ARHGAP26: variants seen among roughly 807,000 people sequenced by gnomAD.
ARHGAP26 encodes rho GTPase-activating protein 26.
ARHGAP26 carries 38 observed loss-of-function variants against 104.8 expected under a neutral mutation model. That is an observed-to-expected ratio of 0.36 (90% CI 0.28 to 0.48). ARHGAP26 has a LOEUF of 0.48. ARHGAP26 is among the 20% of genes least tolerant of loss of function. The probability of loss-of-function intolerance (pLI) is 0.99; values close to 1 mark genes in which losing one functional copy is unlikely to be tolerated. For synonymous variants in ARHGAP26, 341 were observed against 340.0 expected, an observed-to-expected ratio of 1.00 and a Z score of -0.03; for missense variants, 704 against 947.9, an observed-to-expected ratio of 0.74 and a Z score of 3.38.
chr5:142,771,524 C>T, intron 1 of ARHGAP26: 1 of 835,374 alleles, frequency 1.2e-6, no homozygotes, highest in Non-Finnish European at 1.6e-6. Flanking sequence ...TGCGCAGGTT[C>T]TGATTCTTGT....
intron 9 of ARHGAP26, among the ~76,000 whole-genome samples, chr5:142,911,779 T>G (rs954634132): frequency 2.0e-5 from 3 of 152,222 alleles, no homozygotes; most frequent in Admixed American, 2.0e-4. Context: ...TAAATCAGAT[T>G]TATAGTTAGA....
chr5:142,827,977 C>T (rs979224811), intron 1 of ARHGAP26, among the ~76,000 whole-genome samples: 1 of 152,126 alleles, frequency 6.6e-6, no homozygotes, highest in African/African-American at 2.4e-5. Flanking sequence ...GGTCTTTGTT[C>T]CCTTGGCTTT....
At chr5:143,064,602 G>A (rs1186852274) in intron 17 of ARHGAP26, among the ~76,000 whole-genome samples, 1 of 152,054 alleles carries the variant, frequency 6.6e-6, no homozygotes, top group South Asian at 2.1e-4. Context: ...TATTTAAAGG[G>A]ACATTGCACA....
intron 1 of ARHGAP26, among the ~76,000 whole-genome samples, chr5:142,783,835 G>A (rs1490718240): frequency 6.6e-6 from 1 of 152,242 alleles, no homozygotes; most frequent in African/African-American, 2.4e-5. Context: ...AAATCTGTGG[G>A]TTGCTCTTCC....
chr5:142,922,555 T>C (rs576879190), intron 10 of ARHGAP26, among the ~76,000 whole-genome samples: 1 of 152,312 alleles, frequency 6.6e-6, no homozygotes, highest in African/African-American at 2.4e-5. Context: ...TCATCACAAA[T>C]CATTCATACC....
chr5:142,892,534 A>G (rs994493408), intron 5 of ARHGAP26, among the ~76,000 whole-genome samples: 1 of 151,982 alleles, frequency 6.6e-6, no homozygotes, highest in Non-Finnish European at 1.5e-5. Context: ...AAGGTAATGT[A>G]TGTACAGCTA....
intron 20 of ARHGAP26, among the ~76,000 whole-genome samples, chr5:143,167,259 G>A (rs982541015): frequency 8.6e-5 from 12 of 139,496 alleles, no homozygotes; most frequent in African/African-American, 3.0e-4. Flanking sequence ...TTGAGGTCAA[G>A]AGTTTGAGAC....
chr5:143,018,752 A>T (rs1021074430), intron 12 of ARHGAP26, among the ~76,000 whole-genome samples: 1 of 152,170 alleles, frequency 6.6e-6, no homozygotes, highest in Admixed American at 6.5e-5. Context: ...GCAACTCTTA[A>T]TATCTAGTTA....
At chr5:143,065,147 A>T (rs1276571768) in intron 17 of ARHGAP26, among the ~76,000 whole-genome samples, 1 of 152,148 alleles carries the variant, frequency 6.6e-6, no homozygotes, top group African/African-American at 2.4e-5. Context: ...AAAGTGAGAG[A>T]GTATCAGCAA....
chr5:143,057,329 C>T (rs1039793196), intron 16 of ARHGAP26, among the ~76,000 whole-genome samples: 5 of 152,146 alleles, frequency 3.3e-5, no homozygotes, highest in African/African-American at 1.2e-4. Flanking sequence ...CTCTAGGGAG[C>T]CAGCTACTCC....
intron 11 of ARHGAP26, among the ~76,000 whole-genome samples, chr5:142,935,070 C>T (rs534589262): frequency 5.3e-5 from 8 of 152,152 alleles, no homozygotes; most frequent in Non-Finnish European, 8.8e-5. Flanking sequence ...ATTTTATCTA[C>T]GTAGTAAATT....
intron 11 of ARHGAP26, among the ~76,000 whole-genome samples, chr5:142,991,267 G>A (rs1048769060): frequency 2.6e-5 from 4 of 152,224 alleles, no homozygotes; most frequent in African/African-American, 7.2e-5. Context: ...TGAGCCATGT[G>A]CAGGATATAA....
chr5:143,105,768 C>T (rs778561107), intron 17 of ARHGAP26, among the ~76,000 whole-genome samples: 3 of 152,160 alleles, frequency 2.0e-5, no homozygotes, highest in Admixed American at 1.3e-4. Context: ...CTCTTCAGTG[C>T]GTCAGAAGTC....
chr5:142,851,292 T>G (rs1037437170), intron 1 of ARHGAP26, among the ~76,000 whole-genome samples: 8 of 152,170 alleles, frequency 5.3e-5, no homozygotes, highest in African/African-American at 1.9e-4. Flanking sequence ...AGACGGGGTT[T>G]TTCCATGTTG....
intron 6 of ARHGAP26, among the ~76,000 whole-genome samples, chr5:142,900,378 A>G (rs987970455): frequency 1.3e-5 from 2 of 152,192 alleles, no homozygotes; most frequent in African/African-American, 2.4e-5. Context: ...TTTTATAGCC[A>G]GAGGACCCAG....
At chr5:143,046,450 G>T (rs997757255) in intron 14 of ARHGAP26, among the ~76,000 whole-genome samples, 9 of 152,210 alleles carry the variant, frequency 5.9e-5, no homozygotes, top group Admixed American at 2.0e-4. Flanking sequence ...TCTTTGTACT[G>T]ATCAGGATTC....
At chr5:142,807,853 C>A (rs890811338) in intron 1 of ARHGAP26, among the ~76,000 whole-genome samples, 2 of 152,108 alleles carry the variant, frequency 1.3e-5, no homozygotes, top group African/African-American at 4.8e-5. Flanking sequence ...TTCTTACAGG[C>A]CATATTTTAA....
intron 19 of ARHGAP26, among the ~76,000 whole-genome samples, chr5:143,139,068 A>G (rs1340407366): frequency 6.6e-6 from 1 of 152,228 alleles, no homozygotes; most frequent in African/African-American, 2.4e-5. Flanking sequence ...AGTTCCACTT[A>G]AGAACCTGGA....
intron 17 of ARHGAP26, among the ~76,000 whole-genome samples, chr5:143,082,030 A>AG (rs1789907985): frequency 6.6e-6 from 1 of 151,988 alleles, no homozygotes; most frequent in African/African-American, 2.4e-5. Context: ...AAAAAAAAAA[A>AG]AAAATGGTAG....
Sources: gnomAD v4.1 joint callset for allele counts (sites outside exome capture counted in the v4.1 genomes callset) on GRCh38, gnomAD v4.1.1 for gene constraint, MANE v1.5 for transcripts, NCBI Gene and HGNC (gene_info 2026-07-23, HGNC 2026-07-21) for gene names.